Variants in NCKAP1L observed in about 807,000 individuals in gnomAD.
NCKAP1L encodes NCK associated protein 1 like.
NCKAP1L carries 53 observed loss-of-function variants against 139.2 expected under a neutral mutation model. The ratio of observed to expected loss-of-function variants is 0.38; its 90% CI spans 0.31 to 0.48. The LOEUF (loss-of-function observed/expected upper bound fraction) is 0.48, where lower values mean the gene tolerates loss of function less well. Among genes scored for constraint, NCKAP1L ranks in the 20% least tolerant of loss-of-function variants. The probability of loss-of-function intolerance (pLI) is 0.98; values close to 1 mark genes in which losing one functional copy is unlikely to be tolerated. For missense variants in NCKAP1L, 1,151 were observed against 1,381.9 expected, an observed-to-expected ratio of 0.83 and a Z score of 2.65; for synonymous variants, 468 against 499.7, an observed-to-expected ratio of 0.94 and a Z score of 0.85.
intron 9 of NCKAP1L, among the ~76,000 whole-genome samples, chr12:54,514,783 TAAGTA>T: frequency 6.6e-6 from 1 of 152,326 alleles, no homozygotes; most frequent in Non-Finnish European, 1.5e-5. Context: ...TCTCAACAAC[TAAGTA>T]TTGTCATTAA....
At chr12:54,523,259 T>G in intron 18 of NCKAP1L, 135 bp from the exon 19 acceptor site, 3 of 962,278 alleles carry the variant, frequency 3.1e-6, no homozygotes, top group East Asian at 2.5e-5. Context: ...AAGAAAGAGG[T>G]GTGTGGAAGG....
At chr12:54,516,748 T>G in intron 10 of NCKAP1L, 148 bp from the exon 11 acceptor site, 2 of 643,602 alleles carry the variant, frequency 3.1e-6, no homozygotes, top group Non-Finnish European at 2.6e-6. Context: ...TCCTGGCCCT[T>G]TTTTCTTTTT....
intron 26 of NCKAP1L, among the ~76,000 whole-genome samples, chr12:54,534,312 A>C (rs1427206972): frequency 6.6e-6 from 1 of 152,352 alleles, no homozygotes; most frequent in East Asian, 1.9e-4. Context: ...TCAAGGTCAC[A>C]CACTTAATAA....
Position 54,542,845 on chromosome 12 carries a change from C to A in NCKAP1L, c.*160C>A, listed in dbSNP as rs923368286. 1.7e-6 allele frequency: 1 copy of A among 571,496 alleles called. No homozygotes were observed. Among genetic ancestry groups the A allele is most frequent in the Non-Finnish European group, 3.1e-6 (1 of 320,332 alleles). The allele number at this position is 571,496 out of a possible 1,614,324, so 35.4% of individuals were successfully genotyped here. A position where few individuals can be genotyped will look rare whatever the true frequency, so the allele number is the denominator to read the frequency against. On this transcript the variant is annotated 3_prime_UTR_variant, in exon 31 of 31. Coordinates refer to ENST00000293373, the MANE Select transcript of NCKAP1L (RefSeq NM_005337.5). The stretch of plus-strand genomic sequence containing the variant: ...TGAGCAGATCTGTGGAAGAACAATC[C>A]AGGGCTGAGAAATCGTAGAGCAGTG...
Position 54,511,858 on chromosome 12 carries a change from T to G in NCKAP1L, c.784+7T>G. The G allele has an allele frequency of 6.2e-7, 1 of 1,614,178 alleles. No homozygotes were observed. Among genetic ancestry groups the G allele is most frequent in the Non-Finnish European group, 8.5e-7 (1 of 1,180,006 alleles). Reference sequence around the variant, plus strand: ...ATGGAGCGCTGGATTATCAGTAAGTTTAGTGGGATTAGATGGGAGTGGATG... The same window carrying G: ...ATGGAGCGCTGGATTATCAGTAAGTGTAGTGGGATTAGATGGGAGTGGATG... On this transcript the variant is annotated splice_region_variant and intron_variant, in intron 8 of 30. Transcript: ENST00000293373.
At chr12:54,513,529 C>T (rs1956905411) in intron 9 of NCKAP1L, among the ~76,000 whole-genome samples, 1 of 152,072 alleles carries the variant, frequency 6.6e-6, no homozygotes, top group Admixed American at 6.6e-5. Flanking sequence ...CCAGAGAAAT[C>T]AGTGGGAGAT....
At chr12:54,513,146 GA>G (rs904672897) in intron 9 of NCKAP1L, among the ~76,000 whole-genome samples, 3 of 152,202 alleles carry the variant, frequency 2.0e-5, no homozygotes, top group Non-Finnish European at 4.4e-5. Context: ...TGGAAGAAAA[GA>G]AATTAGATGG....
At chr12:54,539,806 C>A (rs1957143249) in intron 30 of NCKAP1L, among the ~76,000 whole-genome samples, 2 of 152,148 alleles carry the variant, frequency 1.3e-5, no homozygotes, top group Non-Finnish European at 2.9e-5. Flanking sequence ...CGAGAGATAT[C>A]TGGGGCCCCA....
At chr12:54,519,945 T>G (rs916844679) in intron 16 of NCKAP1L, among the ~76,000 whole-genome samples, 1 of 151,690 alleles carries the variant, frequency 6.6e-6, no homozygotes, top group Non-Finnish European at 1.5e-5. Flanking sequence ...TGAGTTTTAG[T>G]GGACAGGAGT....
intron 3 of NCKAP1L, among the ~76,000 whole-genome samples, chr12:54,501,834 G>C (rs1956800202): frequency 6.6e-6 from 1 of 152,142 alleles, no homozygotes; most frequent in Non-Finnish European, 1.5e-5. Context: ...CACAGTGGCT[G>C]TACTCTTTTA....
intron 9 of NCKAP1L, among the ~76,000 whole-genome samples, chr12:54,515,570 C>T (rs1448269682): frequency 6.6e-6 from 1 of 152,030 alleles, no homozygotes; most frequent in Non-Finnish European, 1.5e-5. Context: ...ATTCAAGGGT[C>T]AGTGAGAGGT....
intron 1 of NCKAP1L, among the ~76,000 whole-genome samples, 155 bp downstream of exon 1, chr12:54,498,046 C>A (rs1956764736): frequency 6.6e-6 from 1 of 152,138 alleles, no homozygotes. Context: ...TACAGGCCAG[C>A]CAGTTCAGGA....
At position 54,509,850 on chromosome 12, in the gene NCKAP1L, T is replaced by G. The variant is rs1304638023; in HGVS notation, c.600T>G (p.Ala200=). 6.2e-7 allele frequency: 1 copy of G among 1,614,094 alleles called. No individual in the cohort carries two copies. The highest frequency in any genetic ancestry group is 8.5e-7 in the Non-Finnish European group (1 of 1,180,038). Residue 200 remains alanine, a splice_region_variant and synonymous_variant, in exon 7 of 31, where the codon GCT becomes GCG. Transcript: ENST00000293373. ...LTEEFGPHTK[A]VSGALLSLHF... ...GTTTCATTTGCTTTTCCCCACAGGC[T>G]GTGAGTGGAGCCCTCCTCTCTTTGC...
chr12:54,546,397 G>A lies in NCKAP1L; in HGVS notation c.*3712G>A, dbSNP rs1248849480. 1 of 151,872 alleles carries A rather than the reference G, an allele frequency of 6.6e-6. No individual in the cohort carries two copies. The highest frequency in any genetic ancestry group is 1.5e-5 in the Non-Finnish European group (1 of 68,114). The allele number at this position is 151,872 out of a possible 1,614,324, so 9.4% of individuals were successfully genotyped here. A position where few individuals can be genotyped will look rare whatever the true frequency, so the allele number is the denominator to read the frequency against. Reference sequence around the variant, plus strand: ...AAAAAAAAAAATGCAGAAGGTCCAGGGCCTGGCCAAGGGGATGATGCCCTG... The same window carrying A: ...AAAAAAAAAAATGCAGAAGGTCCAGAGCCTGGCCAAGGGGATGATGCCCTG... On this transcript the variant is annotated 3_prime_UTR_variant, in exon 31 of 31. Coordinates refer to ENST00000293373, the MANE Select transcript of NCKAP1L (RefSeq NM_005337.5).
intron 24 of NCKAP1L, 45 bp from the exon 25 acceptor site, chr12:54,531,698 A>G (rs373042409): frequency 3.4e-5 from 55 of 1,604,430 alleles, no homozygotes; most frequent in African/African-American, 1.1e-4. Context: ...ATCATCACCA[A>G]TCCCTCTCTA....
At chr12:54,528,938 G>C (rs778212182) in intron 22 of NCKAP1L, among the ~76,000 whole-genome samples, 6 of 152,068 alleles carry the variant, frequency 3.9e-5, no homozygotes, top group Admixed American at 3.9e-4. Context: ...CCCAGCCAGC[G>C]TCTTATGCTT....
rs1455155316 is a variant in NCKAP1L at position 54,506,601 on chromosome 12, T to A, written c.307-1252T>A. On this transcript the variant is annotated intron_variant, in intron 3 of 30. Coordinates refer to ENST00000293373, the MANE Select transcript of NCKAP1L (RefSeq NM_005337.5). The stretch of plus-strand genomic sequence containing the variant: ...GCCACCACACCCAGCTAATTTTTTT[T>A]ATTTTTATTTTTAGTAGAGATGGGG... Among the ~76,000 whole-genome samples, 28 of 144,222 alleles carry A rather than the reference T, an allele frequency of 1.9e-4. 1 individual carries two copies. Among genetic ancestry groups the A allele is most frequent in the African/African-American group, 4.6e-4 (18 of 39,346 alleles). The allele number at this position is 144,222 out of a possible 152,430, so 94.6% of individuals were successfully genotyped here.
intron 9 of NCKAP1L, chr12:54,512,351 TC>T (rs2120904033): frequency 2.8e-6 from 1 of 354,220 alleles, no homozygotes; most frequent in South Asian, 3.8e-5. Context: ...GGGTTTGAAT[TC>T]AGGCTCTACC....
intron 3 of NCKAP1L, among the ~76,000 whole-genome samples, chr12:54,507,349 A>G (rs1364136002): frequency 1.3e-5 from 2 of 152,202 alleles, no homozygotes; most frequent in Non-Finnish European, 2.9e-5. Context: ...AATGAAGTAT[A>G]TGCAAATTAC....
Sources: allele counts gnomAD v4.1 joint callset (sites outside exome capture counted in the v4.1 genomes callset), GRCh38; gene constraint gnomAD v4.1.1; transcripts MANE v1.5; gene names NCBI Gene and HGNC (gene_info 2026-07-23, HGNC 2026-07-21).